The following SH3RF3 variants were observed in gnomAD, a reference collection of about 807,000 sequenced individuals.
The protein encoded by SH3RF3 is SH3 domain containing ring finger 3.
A neutral mutation model predicts 66.3 loss-of-function variants in SH3RF3; 29 were observed. The observed-to-expected ratio is 0.44, with a 90% CI of 0.33 to 0.60. The LOEUF (loss-of-function observed/expected upper bound fraction) is 0.60. Among genes scored for constraint, SH3RF3 ranks in the 20% least tolerant of loss-of-function variants. SH3RF3 has a pLI of 0.04. For missense variants in SH3RF3, 1,194 were observed against 1,190.9 expected, an observed-to-expected ratio of 1.00 and a Z score of -0.04; for synonymous variants, 583 against 532.0, an observed-to-expected ratio of 1.10 and a Z score of -1.32.
At chr2:109,470,991 G>T (rs1349115662) in intron 8 of SH3RF3, among the ~76,000 whole-genome samples, 1 of 152,068 alleles carries the variant, frequency 6.6e-6, no homozygotes, top group Non-Finnish European at 1.5e-5. Flanking sequence ...AGGCCGAGGA[G>T]GGCAGATCAC....
chr2:109,285,545 G>A (rs35459715), intron 1 of SH3RF3, among the ~76,000 whole-genome samples: 52,285 of 152,118 alleles, frequency 0.34, 9,143 homozygotes, highest in South Asian at 0.41. Flanking sequence ...CTTGCCTGGC[G>A]GTGGGAGCCC....
chr2:109,338,011 C>T (rs1011439714), intron 1 of SH3RF3, among the ~76,000 whole-genome samples: 18 of 152,050 alleles, frequency 1.2e-4, no homozygotes, highest in African/African-American at 4.3e-4. Flanking sequence ...GGATTACAGG[C>T]GTGAGCCACC....
chr2:109,243,526 G>C (rs912187238), intron 1 of SH3RF3, among the ~76,000 whole-genome samples: 1 of 152,176 alleles, frequency 6.6e-6, no homozygotes, highest in Non-Finnish European at 1.5e-5. Flanking sequence ...AGATGGGGCA[G>C]GTGACATACA....
At chr2:109,391,937 C>G (rs940363561) in intron 3 of SH3RF3, among the ~76,000 whole-genome samples, 1 of 152,104 alleles carries the variant, frequency 6.6e-6, no homozygotes, top group South Asian at 2.1e-4. Context: ...CCCACCTCAG[C>G]CTCCTGAGTA....
At chr2:109,223,366 G>A (rs1679299804) in intron 1 of SH3RF3, among the ~76,000 whole-genome samples, 9 of 152,206 alleles carry the variant, frequency 5.9e-5, no homozygotes, top group Admixed American at 5.9e-4. Flanking sequence ...GAAGCCCGAA[G>A]AAGCAGGAGT....
chr2:109,419,808 A>T (rs1559073746), intron 5 of SH3RF3, among the ~76,000 whole-genome samples, 166 bp downstream of exon 5: 1 of 152,252 alleles, frequency 6.6e-6, no homozygotes, highest in Non-Finnish European at 1.5e-5. Flanking sequence ...TGTGGAAGAC[A>T]AAAGTCTAGC....
intron 1 of SH3RF3, among the ~76,000 whole-genome samples, chr2:109,212,024 G>A (rs1319597966): frequency 6.6e-6 from 1 of 152,244 alleles, no homozygotes; most frequent in Admixed American, 6.5e-5. Flanking sequence ...TTGAGCACCT[G>A]CATTGGTGTA....
intron 3 of SH3RF3, among the ~76,000 whole-genome samples, chr2:109,373,530 A>AT (rs1026720870): frequency 8.5e-5 from 13 of 152,234 alleles, no homozygotes; most frequent in African/African-American, 3.1e-4. Context: ...TCCAAGTGAA[A>AT]TTTTTGAAAG....
Position 109,502,896 on chromosome 2 carries a change from T to TA in SH3RF3, c.*1228dup, listed in dbSNP as rs1490887539. On this transcript the variant is annotated 3_prime_UTR_variant, in exon 10 of 10. Transcript: ENST00000309415. The stretch of plus-strand genomic sequence containing the variant: ...CACCATTTTTCTTCTTTTTTAAAAA[T>TA]AAATAACTGCTCCCATTTCAGGCAG... The TA allele has an allele frequency of 6.6e-6, 1 of 152,226 alleles. No homozygotes were observed. The highest frequency in any genetic ancestry group is 1.5e-5 in the Non-Finnish European group (1 of 68,038). 9.4% of individuals were successfully genotyped at this position (152,226 alleles called of 1,614,324 possible). A position where few individuals can be genotyped will look rare whatever the true frequency, so the allele number is the denominator to read the frequency against.
chr2:109,171,750 C>G (rs1431056105), intron 1 of SH3RF3, among the ~76,000 whole-genome samples: 1 of 152,258 alleles, frequency 6.6e-6, no homozygotes, highest in Non-Finnish European at 1.5e-5. Context: ...TCCTGGTGCC[C>G]ACGCTGGCTG....
chr2:109,331,378 C>T (rs1391266845), intron 1 of SH3RF3, among the ~76,000 whole-genome samples: 4 of 152,110 alleles, frequency 2.6e-5, no homozygotes, highest in Non-Finnish European at 5.9e-5. Context: ...TTCTCTCTCT[C>T]CCCTTGTTTT....
rs141953586 is a variant in SH3RF3, at chr2:109,343,636, C to A, written c.574-4038C>A. ...TCATGCTCTCAGTACCAGACTCGAG[C>A]CCAGCAGGTGGGTTGGGGCCAGCAG... On this transcript the variant is annotated intron_variant, in intron 1 of 9. Coordinates refer to ENST00000309415, the MANE Select transcript of SH3RF3 (RefSeq NM_001099289.3). Among the ~76,000 whole-genome samples the A allele has an allele frequency of 5.1e-3, 780 of 152,262 alleles. 5 individuals carry two copies. The highest frequency in any genetic ancestry group is 0.016 in the African/African-American group (663 of 41,554).
At chr2:109,174,384 A>G (rs1677869967) in intron 1 of SH3RF3, among the ~76,000 whole-genome samples, 1 of 152,108 alleles carries the variant, frequency 6.6e-6, no homozygotes, top group African/African-American at 2.4e-5. Flanking sequence ...TTTTTTTTCT[A>G]TACCATACCT....
rs118018416 is a variant in SH3RF3, at chr2:109,201,640, C to T, written c.573+71527C>T. On this transcript the variant is annotated intron_variant, in intron 1 of 9. Coordinates refer to ENST00000309415, the MANE Select transcript of SH3RF3 (RefSeq NM_001099289.3). ...CTCACAGCATGGCCTTCGTTTGGGA[C>T]GTTTGTGTCAGGAGGCAAGTGTCTG... 5.8e-4 allele frequency among the ~76,000 whole-genome samples: 89 copies of T among 152,308 alleles called. No homozygotes were observed. The East Asian group carries it at 0.013, about 23-fold the overall frequency.
chr2:109,219,290 C>T (rs1401064303), intron 1 of SH3RF3, among the ~76,000 whole-genome samples: 2 of 135,642 alleles, frequency 1.5e-5, no homozygotes, highest in Non-Finnish European at 3.1e-5. Flanking sequence ...GTATTATTTC[C>T]AAAACATTTT....
intron 1 of SH3RF3, among the ~76,000 whole-genome samples, chr2:109,296,193 T>C (rs1216132452): frequency 1.3e-5 from 2 of 151,976 alleles, no homozygotes; most frequent in Non-Finnish European, 2.9e-5. Flanking sequence ...TCCTCCCATC[T>C]CCTGGCTTCC....
At chr2:109,307,841 G>A (rs1490504498) in intron 1 of SH3RF3, among the ~76,000 whole-genome samples, 130 of 137,738 alleles carry the variant, frequency 9.4e-4, no homozygotes, top group Non-Finnish European at 1.4e-3. Context: ...CATTTGGGTT[G>A]GTTCCAAGTC....
intron 2 of SH3RF3, among the ~76,000 whole-genome samples, chr2:109,370,809 G>T (rs919905073): frequency 1.3e-5 from 2 of 151,976 alleles, no homozygotes; most frequent in Non-Finnish European, 2.9e-5. Context: ...TTTCCACTTT[G>T]TGCATTTATA....
intron 4 of SH3RF3, among the ~76,000 whole-genome samples, chr2:109,413,952 A>T (rs116335984): frequency 6.6e-6 from 1 of 152,324 alleles, no homozygotes; most frequent in African/African-American, 2.4e-5. Flanking sequence ...GCGCCTGTGC[A>T]TGTCAGCATT....
Sources: allele counts gnomAD v4.1 joint callset (sites outside exome capture counted in the v4.1 genomes callset), GRCh38; gene constraint gnomAD v4.1.1; transcripts MANE v1.5; gene names NCBI Gene and HGNC (gene_info 2026-07-23, HGNC 2026-07-21).